Variants in LPIN2 observed in about 807,000 individuals in gnomAD.
LPIN2 encodes lipin 2.
A neutral mutation model predicts 111.4 loss-of-function variants in LPIN2; 55 were observed. The observed-to-expected ratio is 0.49, with a 90% CI of 0.40 to 0.62. The LOEUF (loss-of-function observed/expected upper bound fraction) is 0.62. Ranked by LOEUF, LPIN2 falls within the 20% of genes least tolerant of loss-of-function variation. The pLI is 0.00. For synonymous variants in LPIN2, 425 were observed against 414.0 expected (o/e 1.03, Z -0.32); for missense variants, 992 against 1,112.1 (o/e 0.89, Z 1.54).
At chr18:2,984,906 C>A (rs2078165470) in intron 1 of LPIN2, among the ~76,000 whole-genome samples, 1 of 152,074 alleles carries the variant, frequency 6.6e-6, no homozygotes, top group South Asian at 2.1e-4. Flanking sequence ...GAGGTAGGAG[C>A]AAAGGCTTAG....
intron 4 of LPIN2, among the ~76,000 whole-genome samples, chr18:2,941,507 G>A (rs2077366353): frequency 6.6e-6 from 1 of 152,172 alleles, no homozygotes; most frequent in South Asian, 2.1e-4. Context: ...TCCCTCAGAA[G>A]CACTGTGGGC....
At chr18:2,937,575 C>T (rs969515604) in intron 7 of LPIN2, 117 bp downstream of exon 7, 7 of 643,816 alleles carry the variant, frequency 1.1e-5, no homozygotes, top group African/African-American at 6.2e-5. Context: ...AAAAAAAGTG[C>T]GACGGGTTTC....
In LPIN2 at chr18:2,918,936, G is replaced by A. The variant is rs377280235; in HGVS notation, c.*1357C>T. The A allele has an allele frequency of 1.1e-4, 16 of 152,148 alleles. No homozygotes were observed. Among genetic ancestry groups the A allele is most frequent in the East Asian group, 1.9e-4 (1 of 5,206 alleles). The allele number at this position is 152,148 out of a possible 1,614,324, so 9.4% of individuals were successfully genotyped here. A position where few individuals can be genotyped will look rare whatever the true frequency, so the allele number is the denominator to read the frequency against. On this transcript the variant is annotated 3_prime_UTR_variant, in exon 20 of 20. Coordinates refer to ENST00000677752, the MANE Select transcript of LPIN2 (RefSeq NM_001375808.2). ...TCCCTCTCTGCTCAGGAACCACCAC[G>A]TCCTGTGTTCTCGCCAATGGAGACC... is the stretch of plus-strand genomic sequence containing the variant.
rs1555609552 is a variant in LPIN2, at chr18:3,007,014, AAC to A, written c.-10+6071_-10+6072del. On this transcript the variant is annotated intron_variant, in intron 1 of 19. Transcript: ENST00000677752. ...GACCTTGTCTCTTTAAAAAAAAAAA[AAC>A]AGCATTTGTTTAACATTTTAAATAA... Among the ~76,000 whole-genome samples, 310 of 150,282 alleles carry A rather than the reference AAC, an allele frequency of 2.1e-3. 1 individual carries two copies. Among genetic ancestry groups the A allele is most frequent in the African/African-American group, 7.5e-3 (298 of 39,898 alleles).
chr18:2,946,235 G>C, intron 4 of LPIN2: 1 of 1,564,866 alleles, frequency 6.4e-7, no homozygotes, highest in Middle Eastern at 1.7e-4. Flanking sequence ...CGCGTCTACT[G>C]TCTTAGGGGC....
chr18:2,944,959 G>A (rs2077427519), intron 4 of LPIN2, among the ~76,000 whole-genome samples: 2 of 152,228 alleles, frequency 1.3e-5, no homozygotes, highest in South Asian at 4.1e-4. Flanking sequence ...AAAAATTCAA[G>A]TAGTTGTAAA....
intron 4 of LPIN2, among the ~76,000 whole-genome samples, chr18:2,947,058 G>C (rs1235765109): frequency 6.6e-6 from 1 of 152,204 alleles, no homozygotes; most frequent in Non-Finnish European, 1.5e-5. Context: ...ATCAGGAGAT[G>C]AAGTATGCAG....
In LPIN2 at chr18:2,920,177, C is replaced by G. The variant is rs1342505309; in HGVS notation, c.*116G>C. On this transcript the variant is annotated 3_prime_UTR_variant, in exon 20 of 20. Transcript: ENST00000677752. ...CAAAGGAGGATGGCGGGACCAGCTCCAGAAGCACCCGTCCCCGCTGGGGAA... is the reference window on the plus strand; with the variant it reads ...CAAAGGAGGATGGCGGGACCAGCTCGAGAAGCACCCGTCCCCGCTGGGGAA... The G allele has an allele frequency of 2.5e-5, 36 of 1,440,322 alleles. No individual in the cohort carries two copies. Among genetic ancestry groups the G allele is most frequent in the Non-Finnish European group, 3.5e-5 (36 of 1,033,186 alleles). The allele number at this position is 1,440,322 out of a possible 1,614,324, so 89.2% of individuals were successfully genotyped here.
intron 3 of LPIN2, among the ~76,000 whole-genome samples, chr18:2,952,674 C>T (rs1030354699): frequency 3.3e-5 from 5 of 152,230 alleles, no homozygotes; most frequent in Admixed American, 2.0e-4. Context: ...GATGAGAGGT[C>T]GTGGTCTCTG....
intron 4 of LPIN2, among the ~76,000 whole-genome samples, chr18:2,944,115 C>A (rs529938837): frequency 7.2e-5 from 11 of 151,824 alleles, no homozygotes; most frequent in East Asian, 5.8e-4. Flanking sequence ...TTAAGCTCTG[C>A]ACTGCATCAA....
chr18:2,940,639 G>C lies in LPIN2; in HGVS notation c.664C>G (p.Pro222Ala), dbSNP rs754634565. ...GGGGACCAATCTCCATCAGATAAGGGGTAATGATCCCCAGAATGGAAGAGC... is the reference window on the plus strand; with the variant it reads ...GGGGACCAATCTCCATCAGATAAGGCGTAATGATCCCCAGAATGGAAGAGC... ...PLLFHSGDHY[P>A]LSDGDWSPLE... Residue 222 changes from proline (P) to alanine (A), a missense_variant, in exon 5 of 20, where the codon CCC becomes GCC. By Grantham distance (27) the Pro-to-Ala change is conservative (BLOSUM62 -1). Transcript: ENST00000677752. 3 of 1,612,988 alleles carry C rather than the reference G, an allele frequency of 1.9e-6. No homozygotes were observed. Among genetic ancestry groups the C allele is most frequent in the South Asian group, 2.2e-5 (2 of 91,052 alleles).
At chr18:2,964,815 C>T (rs1339550380) in intron 1 of LPIN2, among the ~76,000 whole-genome samples, 3 of 152,110 alleles carry the variant, frequency 2.0e-5, no homozygotes, top group Non-Finnish European at 4.4e-5. Context: ...AGAAATCACA[C>T]TGAATATTAC....
chr18:2,949,106 TAATA>T (rs1030618520), intron 4 of LPIN2, among the ~76,000 whole-genome samples: 4 of 152,198 alleles, frequency 2.6e-5, no homozygotes, highest in Non-Finnish European at 5.9e-5. Flanking sequence ...CCCGGCCTTT[TAATA>T]ATGTTTTTAA....
chr18:2,978,123 G>A (rs143946840), intron 1 of LPIN2, among the ~76,000 whole-genome samples: 18 of 152,182 alleles, frequency 1.2e-4, no homozygotes, highest in African/African-American at 4.1e-4. Flanking sequence ...GGAGGCGGAG[G>A]CTGAAGTGAG....
chr18:2,968,929 C>G (rs977577808), intron 1 of LPIN2, among the ~76,000 whole-genome samples: 2 of 152,206 alleles, frequency 1.3e-5, no homozygotes, highest in South Asian at 4.1e-4. Context: ...AGGCAAGAGA[C>G]TGCACAGCTC....
chr18:2,933,273 T>C (rs897540795), intron 8 of LPIN2, among the ~76,000 whole-genome samples: 1 of 152,168 alleles, frequency 6.6e-6, no homozygotes, highest in Admixed American at 6.5e-5. Flanking sequence ...TGGAGTAAGG[T>C]ATCATCACCT....
At chr18:2,985,811 C>T (rs1414777224) in intron 1 of LPIN2, among the ~76,000 whole-genome samples, 1 of 152,158 alleles carries the variant, frequency 6.6e-6, no homozygotes, top group African/African-American at 2.4e-5. Context: ...AATAATTGTA[C>T]TCCCCCCCAG....
chr18:2,953,605 T>A (rs948330617), intron 3 of LPIN2, among the ~76,000 whole-genome samples: 3 of 152,240 alleles, frequency 2.0e-5, no homozygotes, highest in African/African-American at 7.2e-5. Context: ...AATCTCATTT[T>A]GCTATCGTAT....
rs1230383729 is a variant in LPIN2, at chr18:2,917,180, A to T, written c.*3113T>A. 1 of 152,220 alleles carries T rather than the reference A, an allele frequency of 6.6e-6. No individual in the cohort carries two copies. The highest frequency in any genetic ancestry group is 1.5e-5 in the Non-Finnish European group (1 of 68,034). 9.4% of individuals were successfully genotyped at this position (152,220 alleles called of 1,614,324 possible). ...TAGTGACATTGCTGTCTAATAATCA[A>T]ATACTTCATCATAGGCTGAACATAA... On this transcript the variant is annotated 3_prime_UTR_variant, in exon 20 of 20. Coordinates refer to ENST00000677752, the MANE Select transcript of LPIN2 (RefSeq NM_001375808.2).
Sources: allele counts gnomAD v4.1 joint callset (sites outside exome capture counted in the v4.1 genomes callset), GRCh38; gene constraint gnomAD v4.1.1; transcripts MANE v1.5; gene names NCBI Gene and HGNC (gene_info 2026-07-23, HGNC 2026-07-21).